The following SAMD5 variants were observed in gnomAD, a reference collection of about 807,000 sequenced individuals.
SAMD5 encodes the protein sterile alpha motif domain containing 5, also known as sterile alpha motif domain-containing protein 5.
Under a neutral mutation model 11.3 loss-of-function variants are expected in SAMD5, and 13 were observed. That is an observed-to-expected ratio of 1.15 (90% CI 0.75 to 1.83). The LOEUF is 1.83. Among genes scored for constraint, SAMD5 ranks in the 40% most tolerant of loss-of-function variants. The pLI is 0.00. For synonymous variants in SAMD5, 129 were observed against 111.3 expected, an observed-to-expected ratio of 1.16 and a Z score of -1.00; for missense variants, 255 against 239.1, an observed-to-expected ratio of 1.07 and a Z score of -0.44.
chr6:147,864,498 C>A, the SAMD5 span, among the ~76,000 whole-genome samples: 1 of 152,150 alleles, frequency 6.6e-6, no homozygotes, highest in Non-Finnish European at 1.5e-5. Context: ...AATGAGATGT[C>A]CTTTACAGGC....
the SAMD5 span, among the ~76,000 whole-genome samples, chr6:147,804,415 G>A: frequency 6.6e-6 from 1 of 152,088 alleles, no homozygotes; most frequent in South Asian, 2.1e-4. Flanking sequence ...CAGCCTGAAG[G>A]TATCTTTATG....
At chr6:147,762,341 G>T in the SAMD5 span, among the ~76,000 whole-genome samples, 4 of 152,020 alleles carry the variant, frequency 2.6e-5, no homozygotes, top group Non-Finnish European at 4.4e-5. Context: ...TGGGATTAAA[G>T]GTGTGTGCCA....
chr6:147,709,845 G>C (rs925594266), intron 1 of SAMD5, among the ~76,000 whole-genome samples: 2 of 152,094 alleles, frequency 1.3e-5, no homozygotes, highest in Non-Finnish European at 2.9e-5. Flanking sequence ...GACTTCAAAG[G>C]CTTCATTTGT....
At chr6:147,947,104 C>T in the SAMD5 span, among the ~76,000 whole-genome samples, 1 of 152,178 alleles carries the variant, frequency 6.6e-6, no homozygotes, top group Non-Finnish European at 1.5e-5. Context: ...TCACTTCATT[C>T]CTGATTCTCT....
chr6:147,650,593 T>C (rs965606013), intron 1 of SAMD5, among the ~76,000 whole-genome samples: 2 of 152,200 alleles, frequency 1.3e-5, no homozygotes, highest in African/African-American at 4.8e-5. Context: ...CATTTTAGAA[T>C]TCTGGATGAA....
At chr6:147,651,085 T>C (rs542783975) in intron 1 of SAMD5, among the ~76,000 whole-genome samples, 2 of 152,294 alleles carry the variant, frequency 1.3e-5, no homozygotes, top group South Asian at 4.1e-4. Context: ...GAAAGAAACA[T>C]TTGTCTGGAA....
chr6:147,730,802 C>T (rs931084546), intron 1 of SAMD5, among the ~76,000 whole-genome samples: 1 of 152,174 alleles, frequency 6.6e-6, no homozygotes, highest in African/African-American at 2.4e-5. Context: ...GGAGTGACTA[C>T]AGTGTTCTGT....
chr6:147,595,786 A>G (rs977480786), intron 1 of SAMD5, among the ~76,000 whole-genome samples: 19 of 151,900 alleles, frequency 1.3e-4, no homozygotes, highest in Admixed American at 4.6e-4. Flanking sequence ...CTGCCTCCCA[A>G]AGTGCTGGGA....
At chr6:147,680,585 A>T (rs1583136920) in intron 1 of SAMD5, among the ~76,000 whole-genome samples, 1 of 152,102 alleles carries the variant, frequency 6.6e-6, no homozygotes, top group East Asian at 1.9e-4. Context: ...GTTGCTTTGT[A>T]CTTAATCTTA....
intron 1 of SAMD5, among the ~76,000 whole-genome samples, chr6:147,656,899 CGTGTGT>C (rs55906300): frequency 0.36 from 53,274 of 149,022 alleles, 9,623 homozygotes; most frequent in African/African-American, 0.43. Flanking sequence ...ATACAGTATA[CGTGTGT>C]GTGTGTGTGT....
In SAMD5 at chr6:147,517,057, T is replaced by G. The variant is rs145488369; in HGVS notation, c.459+7670T>G. On this transcript the variant is annotated intron_variant, in intron 1 of 1. Transcript: ENST00000367474. The stretch of plus-strand genomic sequence containing the variant: ...CTGCAGTTTTCACTGAGGTAGAAAG[T>G]CCCTGATTTTTTGTCAGGTTTATTT... Among the ~76,000 whole-genome samples the G allele has an allele frequency of 6.1e-3, 922 of 152,344 alleles. 9 individuals are homozygous for G. Among genetic ancestry groups the G allele is most frequent in the African/African-American group, 0.02 (842 of 41,584 alleles).
chr6:147,609,115 T>C (rs1789744068), intron 1 of SAMD5, among the ~76,000 whole-genome samples: 1 of 152,166 alleles, frequency 6.6e-6, no homozygotes, highest in African/African-American at 2.4e-5. Context: ...CCCTAATTCA[T>C]ATGCTGAAGT....
chr6:147,936,471 C>A, the SAMD5 span, among the ~76,000 whole-genome samples: 1 of 151,800 alleles, frequency 6.6e-6, no homozygotes, highest in Non-Finnish European at 1.5e-5. Context: ...AGGGATCACA[C>A]ACTTTTAAAT....
chr6:147,796,654 G>C, the SAMD5 span, among the ~76,000 whole-genome samples: 10 of 152,240 alleles, frequency 6.6e-5, no homozygotes, highest in East Asian at 3.9e-4. Flanking sequence ...AAATTACCTT[G>C]GGCAGTATTG....
intron 1 of SAMD5, among the ~76,000 whole-genome samples, chr6:147,632,276 G>A (rs1790162697): frequency 6.6e-6 from 1 of 152,176 alleles, no homozygotes; most frequent in Non-Finnish European, 1.5e-5. Context: ...AATTAATGAT[G>A]GAGGACCCTT....
intron 1 of SAMD5, among the ~76,000 whole-genome samples, chr6:147,601,028 A>G (rs1465262824): frequency 6.6e-6 from 1 of 152,196 alleles, no homozygotes; most frequent in Non-Finnish European, 1.5e-5. Flanking sequence ...CTGAACTATG[A>G]TTATTTTATT....
chr6:147,573,519 G>A (rs901616629), downstream of SAMD5, among the ~76,000 whole-genome samples: 1 of 152,078 alleles, frequency 6.6e-6, no homozygotes, highest in Non-Finnish European at 1.5e-5. Flanking sequence ...GGAATTATAG[G>A]GATTACAATT....
At chr6:147,789,954 T>C in the SAMD5 span, among the ~76,000 whole-genome samples, 1 of 152,192 alleles carries the variant, frequency 6.6e-6, no homozygotes, top group East Asian at 1.9e-4. Context: ...TTGCCAAGAA[T>C]ACAGAACAAC....
At chr6:147,758,905 G>A in the SAMD5 span, among the ~76,000 whole-genome samples, 2 of 152,078 alleles carry the variant, frequency 1.3e-5, no homozygotes, top group Non-Finnish European at 2.9e-5. Context: ...TCATCTTAAT[G>A]TTTACTCTGC....
Sources: gnomAD v4.1 joint callset for allele counts (sites outside exome capture counted in the v4.1 genomes callset) on GRCh38, gnomAD v4.1.1 for gene constraint, MANE v1.5 for transcripts, NCBI Gene and HGNC (gene_info 2026-07-23, HGNC 2026-07-21) for gene names.